VAV3: variants seen among roughly 807,000 people sequenced by gnomAD.
VAV3 encodes the protein vav guanine nucleotide exchange factor 3, also known as guanine nucleotide exchange factor VAV3.
A neutral mutation model predicts 131.2 loss-of-function variants in VAV3; 94 were observed. The observed-to-expected ratio is 0.72, with a 90% CI of 0.61 to 0.85. The LOEUF is 0.85. VAV3 is among the 40% of genes least tolerant of loss of function. VAV3 has a pLI of 0.00. For missense variants in VAV3, 939 were observed against 1,002.7 expected (o/e 0.94, Z 0.86); for synonymous variants, 349 against 342.0 (o/e 1.02, Z -0.22).
Position 107,602,388 on chromosome 1 carries a change from A to C in VAV3, c.2220+9T>G. 6.6e-7 allele frequency: 1 copy of C among 1,519,898 alleles called. No individual in the cohort carries two copies. The highest frequency in any genetic ancestry group is 8.9e-7 in the Non-Finnish European group (1 of 1,125,710). 94.2% of individuals were successfully genotyped at this position (1,519,898 alleles called of 1,614,324 possible). A position where few individuals can be genotyped will look rare whatever the true frequency, so the allele number is the denominator to read the frequency against. On this transcript the variant is annotated intron_variant, in intron 24 of 26. Transcript: ENST00000370056. ...GATCCCAGATTGAAAAGAAATAATC[A>C]ATGCTTACCATTAAACTTTTAAATT...
chr1:107,896,389 T>C (rs1057074905), intron 1 of VAV3, among the ~76,000 whole-genome samples: 2 of 147,896 alleles, frequency 1.4e-5, no homozygotes, highest in African/African-American at 5.0e-5. Flanking sequence ...ATCAAATTAA[T>C]CGCACAGCAG....
intron 19 of VAV3, among the ~76,000 whole-genome samples, chr1:107,670,239 C>T (rs1257903392): frequency 6.6e-6 from 1 of 152,086 alleles, no homozygotes. Context: ...CCAGCTATTT[C>T]GTGCCAAGCA....
rs547366940 is a variant in VAV3, at chr1:107,703,787, T to C, written c.1705+763A>G. ...GATCCTTTCTTGTGTTCAAAAGTTT[T>C]ACTGATTTTGAAAGGTCTTATTGAT... On this transcript the variant is annotated intron_variant, in intron 17 of 26. Transcript: ENST00000370056. Among the ~76,000 whole-genome samples the C allele has an allele frequency of 2.6e-4, 39 of 152,308 alleles. No individual in the cohort carries two copies. In the South Asian group the frequency reaches 7.7e-3, roughly 30 times the overall value.
intron 25 of VAV3, among the ~76,000 whole-genome samples, chr1:107,576,148 C>T (rs1649630588): frequency 6.6e-6 from 1 of 151,984 alleles, no homozygotes; most frequent in Admixed American, 6.6e-5. Context: ...CCTCTGCAAA[C>T]TCTCCCCAAC....
chr1:107,584,573 T>C (rs1020965648), intron 25 of VAV3, among the ~76,000 whole-genome samples: 3 of 152,212 alleles, frequency 2.0e-5, no homozygotes, highest in East Asian at 1.9e-4. Flanking sequence ...AAAAAGCTTA[T>C]TGTATATTTT....
rs1345999169 is a variant in VAV3, at chr1:107,964,753, A to T, written c.117T>A (p.Asp39Glu). The change falls in exon 1 of 27, where the codon GAT becomes GAA. Residue 39 changes from aspartate to glutamate, a missense_variant. Physicochemically the swap from Asp to Glu is conservative, Grantham distance 45. Coordinates refer to ENST00000370056, the MANE Select transcript of VAV3 (RefSeq NM_006113.5). ...TAAGCAGCTGGCAGAGCAGGACTCC[A>T]TCGCGGAGGGTCTGCGCAAGGTCGA... is the stretch of plus-strand genomic sequence containing the variant. ...QVFDLAQTLR[D>E]GVLLCQLLNN... 1.1e-5 allele frequency: 18 copies of T among 1,614,006 alleles called. No homozygotes were observed. The highest frequency in any genetic ancestry group is 1.5e-5 in the Non-Finnish European group (18 of 1,180,020).
chr1:107,717,221 G>C (rs1426208913), intron 15 of VAV3, among the ~76,000 whole-genome samples: 2 of 152,008 alleles, frequency 1.3e-5, no homozygotes, highest in Non-Finnish European at 2.9e-5. Flanking sequence ...GAAGGGTTTT[G>C]TGTGTCTCTA....
chr1:107,891,153 A>AG (rs1282137512), intron 1 of VAV3, among the ~76,000 whole-genome samples: 3 of 151,556 alleles, frequency 2.0e-5, no homozygotes, highest in Non-Finnish European at 4.4e-5. Context: ...TTTCTTTAAA[A>AG]AAAAAAAAAA....
intron 1 of VAV3, among the ~76,000 whole-genome samples, chr1:107,957,226 T>C (rs1674854802): frequency 6.6e-6 from 1 of 152,332 alleles, no homozygotes; most frequent in Admixed American, 6.5e-5. Context: ...TTTCTCTGTA[T>C]CTAAAAGGTT....
chr1:107,952,494 A>AT (rs1674601949), intron 1 of VAV3, among the ~76,000 whole-genome samples: 2 of 142,442 alleles, frequency 1.4e-5, no homozygotes, highest in African/African-American at 2.7e-5. Flanking sequence ...ATACACACAT[A>AT]AATTCAACCT....
chr1:107,906,694 T>C (rs756741178), intron 1 of VAV3, among the ~76,000 whole-genome samples: 1 of 151,552 alleles, frequency 6.6e-6, no homozygotes, highest in Admixed American at 6.6e-5. Context: ...TACAATACAA[T>C]ACATAAAATA....
chr1:107,794,959 G>A (rs1186906446), intron 2 of VAV3, among the ~76,000 whole-genome samples: 3 of 152,120 alleles, frequency 2.0e-5, no homozygotes, highest in East Asian at 1.9e-4. Flanking sequence ...GTTCTCTGAC[G>A]GTTTTTCATT....
At chr1:107,844,945 T>A (rs771926686) in intron 2 of VAV3, among the ~76,000 whole-genome samples, 7 of 152,138 alleles carry the variant, frequency 4.6e-5, no homozygotes, top group Non-Finnish European at 8.8e-5. Flanking sequence ...AGCACAGCGT[T>A]TGAGCTCTGC....
At chr1:107,759,233 C>A (rs1411707010) in intron 10 of VAV3, among the ~76,000 whole-genome samples, 1 of 152,160 alleles carries the variant, frequency 6.6e-6, no homozygotes, top group African/African-American at 2.4e-5. Context: ...TTTAATGAAT[C>A]CAATACTACC....
rs150578527 is a variant in VAV3, at chr1:107,712,306, C to T, written c.1503-7245G>A. Among the ~76,000 whole-genome samples the T allele has an allele frequency of 1.4e-3, 206 of 152,250 alleles. 3 individuals carry two copies. The highest frequency in any genetic ancestry group is 4.4e-3 in the Admixed American group (68 of 15,294). ...GGCCACATGTGGCCCAACACAAATC[C>T]GTAAACTTTCTTGAAACATTATGAG... On this transcript the variant is annotated intron_variant, in intron 15 of 26. Transcript: ENST00000370056.
At chr1:107,731,819 T>A (rs978931607) in intron 15 of VAV3, among the ~76,000 whole-genome samples, 1 of 152,184 alleles carries the variant, frequency 6.6e-6, no homozygotes, top group Non-Finnish European at 1.5e-5. Flanking sequence ...AGAGAATGTA[T>A]GAATTTATAA....
intron 15 of VAV3, among the ~76,000 whole-genome samples, chr1:107,737,787 G>A (rs1382656899): frequency 6.6e-6 from 1 of 152,212 alleles, no homozygotes; most frequent in African/African-American, 2.4e-5. Context: ...CATTGTGGAA[G>A]ACAGTGTGGC....
At chr1:107,712,349 G>A (rs887137044) in intron 15 of VAV3, among the ~76,000 whole-genome samples, 1 of 152,134 alleles carries the variant, frequency 6.6e-6, no homozygotes, top group East Asian at 1.9e-4. Flanking sequence ...TTTTTTGTGT[G>A]TGATTTTTTT....
At chr1:107,865,447 G>A (rs1669941281) in intron 2 of VAV3, among the ~76,000 whole-genome samples, 2 of 152,138 alleles carry the variant, frequency 1.3e-5, no homozygotes, top group South Asian at 4.1e-4. Flanking sequence ...GCAGACAAGG[G>A]ACTAAAGGGA....
Sources: gnomAD v4.1 joint callset for allele counts (sites outside exome capture counted in the v4.1 genomes callset) on GRCh38, gnomAD v4.1.1 for gene constraint, MANE v1.5 for transcripts, NCBI Gene and HGNC (gene_info 2026-07-23, HGNC 2026-07-21) for gene names.